The following MIB1 variants were observed in gnomAD, a reference collection of about 807,000 sequenced individuals.
MIB1 encodes the protein E3 ubiquitin-protein ligase MIB1.
MIB1 carries 278 observed loss-of-function variants against 124.5 expected under a neutral mutation model. The ratio of observed to expected loss-of-function variants is 2.23; its 90% confidence interval spans 2.02 to 2.47. The LOEUF (loss-of-function observed/expected upper bound fraction) is 2.47, where lower values mean the gene tolerates loss of function less well. MIB1 is among the 30% of genes most tolerant of loss of function. The pLI is 0.00. For missense variants in MIB1, 957 were observed against 1,254.4 expected (o/e 0.76, Z 3.58); for synonymous variants, 446 against 429.4 (o/e 1.04, Z -0.48).
intron 17 of MIB1, among the ~76,000 whole-genome samples, chr18:21,851,526 C>T (rs559972122): frequency 6.6e-6 from 1 of 152,050 alleles, no homozygotes; most frequent in East Asian, 1.9e-4. Context: ...AATAGTGACC[C>T]CAAGTGGTTA....
intron 13 of MIB1, among the ~76,000 whole-genome samples, chr18:21,839,145 T>C (rs2042060145): frequency 6.6e-6 from 1 of 152,202 alleles, no homozygotes; most frequent in Non-Finnish European, 1.5e-5. Flanking sequence ...GATTCCTGAC[T>C]TCAAGGAATT....
chr18:21,708,792 CT>C (rs1222449565), intron 1 of MIB1, among the ~76,000 whole-genome samples: 3 of 152,126 alleles, frequency 2.0e-5, no homozygotes, highest in African/African-American at 7.2e-5. Context: ...CATAATAATA[CT>C]TAGAGTCTAG....
intron 4 of MIB1, 89 bp from the exon 5 acceptor site, chr18:21,778,014 A>G (rs1598605786): frequency 2.3e-6 from 2 of 859,604 alleles, no homozygotes; most frequent in Middle Eastern, 2.2e-4. Context: ...TGTTTTGGGT[A>G]TGTTCTGAAT....
At chr18:21,768,205 A>C (rs967151331) in intron 2 of MIB1, among the ~76,000 whole-genome samples, 1 of 152,216 alleles carries the variant, frequency 6.6e-6, no homozygotes, top group African/African-American at 2.4e-5. Context: ...AGTGATACCC[A>C]GATACCCTGA....
At chr18:21,795,786 T>C (rs1448091032) in intron 7 of MIB1, among the ~76,000 whole-genome samples, 2 of 152,162 alleles carry the variant, frequency 1.3e-5, no homozygotes, top group African/African-American at 2.4e-5. Context: ...CCTAAAGAAC[T>C]GCATGGAAAT....
intron 1 of MIB1, among the ~76,000 whole-genome samples, chr18:21,725,929 A>T (rs531606052): frequency 5.9e-5 from 9 of 152,230 alleles, no homozygotes; most frequent in Non-Finnish European, 1.2e-4. Flanking sequence ...ATAAGTAGTT[A>T]AAAGAGAAAT....
chr18:21,870,571 C>T lies in MIB1; in HGVS notation c.*5905C>T, dbSNP rs2042347873. ...CTCTTCACAACTCAGATGTAGATTT[C>T]ATTTTCAAGAGGTAGATATTTTAAA... On this transcript the variant is annotated 3_prime_UTR_variant, in exon 21 of 21. Coordinates refer to ENST00000261537, the MANE Select transcript of MIB1 (RefSeq NM_020774.4). The T allele has an allele frequency of 6.6e-6, 1 of 152,146 alleles. No homozygotes were observed. The highest frequency in any genetic ancestry group is 1.5e-5 in the Non-Finnish European group (1 of 67,996). The allele number at this position is 152,146 out of a possible 1,614,324, so 9.4% of individuals were successfully genotyped here. A position where few individuals can be genotyped will look rare whatever the true frequency, so the allele number is the denominator to read the frequency against.
chr18:21,750,485 G>T (rs551084967), intron 1 of MIB1, among the ~76,000 whole-genome samples: 14 of 152,320 alleles, frequency 9.2e-5, no homozygotes, highest in Admixed American at 8.5e-4. Context: ...ATGCCACCAT[G>T]CCCCGCTAAC....
In MIB1 at chr18:21,865,872, C is replaced by A. The variant is rs2042317311; in HGVS notation, c.*1206C>A. The A allele has an allele frequency of 6.6e-6, 1 of 152,046 alleles. No homozygotes were observed. The allele number at this position is 152,046 out of a possible 1,614,324, so 9.4% of individuals were successfully genotyped here. A position where few individuals can be genotyped will look rare whatever the true frequency, so the allele number is the denominator to read the frequency against. On this transcript the variant is annotated 3_prime_UTR_variant, in exon 21 of 21. Coordinates refer to ENST00000261537, the MANE Select transcript of MIB1 (RefSeq NM_020774.4). ...AATACTTTAGAAAGAGTGACCAGGA[C>A]ATGTATAGAAATGTCTGCTTACCTG...
At chr18:21,834,066 T>G (rs1231352547) in intron 12 of MIB1, among the ~76,000 whole-genome samples, 1 of 152,216 alleles carries the variant, frequency 6.6e-6, no homozygotes, top group African/African-American at 2.4e-5. Flanking sequence ...TGCTTGCAGC[T>G]TAACAGTCTC....
chr18:21,736,585 T>G (rs1307872000), upstream of MIB1, among the ~76,000 whole-genome samples: 1 of 152,186 alleles, frequency 6.6e-6, no homozygotes, highest in East Asian at 1.9e-4. Flanking sequence ...AAGGAGCATG[T>G]TCTAACCCAA....
At chr18:21,788,936 A>C (rs1177438889) in intron 6 of MIB1, among the ~76,000 whole-genome samples, 3 of 152,252 alleles carry the variant, frequency 2.0e-5, no homozygotes, top group African/African-American at 7.2e-5. Context: ...AGTGAAAACT[A>C]CTGAACATTG....
intron 6 of MIB1, among the ~76,000 whole-genome samples, chr18:21,779,921 A>G: frequency 6.6e-6 from 1 of 151,348 alleles, no homozygotes. Flanking sequence ...TTATATGAGG[A>G]TGTTTATGAT....
At position 21,808,144 on chromosome 18, in the gene MIB1, C is replaced by G. The variant is rs534058981; in HGVS notation, c.1479+4130C>G. ...TGGTAATAATTGATTTTTTAAAAAT[C>G]TGATTTTATTAAAAGCTTTGGAGTT... On this transcript the variant is annotated intron_variant, in intron 10 of 20. Transcript: ENST00000261537. 6.9e-4 allele frequency among the ~76,000 whole-genome samples: 105 copies of G among 152,162 alleles called. 1 individual carries two copies. The South Asian group carries it at 0.021, about 31-fold the overall frequency.
Position 21,784,433 on chromosome 18 carries a change from G to A in MIB1, c.908+4748G>A, listed in dbSNP as rs2041410082. 2.6e-5 allele frequency among the ~76,000 whole-genome samples: 4 copies of A among 152,044 alleles called. No individual in the cohort carries two copies. In the South Asian group the frequency reaches 8.3e-4, roughly 31 times the overall value. On this transcript the variant is annotated intron_variant, in intron 6 of 20. Coordinates refer to ENST00000261537, the MANE Select transcript of MIB1 (RefSeq NM_020774.4). ...TACAAAAAACATCTTATATGTGGACGGCAAGCCACCTAGTTGCCAAGGCAA... is the reference window on the plus strand; with the variant it reads ...TACAAAAAACATCTTATATGTGGACAGCAAGCCACCTAGTTGCCAAGGCAA...
In MIB1 at chr18:21,741,541, G is replaced by C; in HGVS notation, c.-43G>C. 7.7e-7 allele frequency: 1 copy of C among 1,291,368 alleles called. No individual in the cohort carries two copies. The highest frequency in any genetic ancestry group is 9.9e-7 in the Non-Finnish European group (1 of 1,014,736). The allele number at this position is 1,291,368 out of a possible 1,614,324, so 80.0% of individuals were successfully genotyped here. A position where few individuals can be genotyped will look rare whatever the true frequency, so the allele number is the denominator to read the frequency against. Reference sequence around the variant, plus strand: ...TCACGGGCCCCCCGGCGGCAGCGGCGGCGGCGGCGGCGGCAGCGGCGGAGC... The same window carrying C: ...TCACGGGCCCCCCGGCGGCAGCGGCCGCGGCGGCGGCGGCAGCGGCGGAGC... On this transcript the variant is annotated 5_prime_UTR_variant, in exon 1 of 21. Transcript: ENST00000261537. This position sits in a 1 kb window ranked among gnomAD's most constrained non-coding sequence, Gnocchi z 5.4.
In MIB1 at chr18:21,819,519, C is replaced by T; in HGVS notation, c.1702C>T (p.His568Tyr). Residue 568 changes from histidine (H) to tyrosine (Y), a missense_variant, in exon 12 of 21, where the codon CAT (histidine) becomes TAT (tyrosine). Physicochemically the swap from His to Tyr is moderately conservative, Grantham distance 83. Transcript: ENST00000261537. ...GGATTCTGAAGGTGATACCCCTCTTCATGATGCAATAAGTAAGAAACGTGA... is the reference window on the plus strand; with the variant it reads ...GGATTCTGAAGGTGATACCCCTCTTTATGATGCAATAAGTAAGAAACGTGA... Reference protein sequence around the residue: ...LQDSEGDTPLHDAISKKRDDI... With the variant: ...LQDSEGDTPLYDAISKKRDDI... 1 of 1,607,074 alleles carries T rather than the reference C, an allele frequency of 6.2e-7. No individual in the cohort carries two copies. Among genetic ancestry groups the T allele is most frequent in the Non-Finnish European group, 8.5e-7 (1 of 1,176,072 alleles).
chr18:21,785,164 G>A (rs1043589699), intron 6 of MIB1, among the ~76,000 whole-genome samples: 2 of 152,080 alleles, frequency 1.3e-5, no homozygotes, highest in Admixed American at 1.3e-4. Context: ...TGACCCGGTG[G>A]ACATGTGACT....
intron 6 of MIB1, among the ~76,000 whole-genome samples, chr18:21,781,082 A>G (rs2041356153): frequency 2.0e-5 from 3 of 151,880 alleles, no homozygotes; most frequent in Admixed American, 2.0e-4. Context: ...AATTTAAATT[A>G]AAAACTTTTT....
Sources: gnomAD v4.1 joint callset for allele counts (sites outside exome capture counted in the v4.1 genomes callset) on GRCh38, gnomAD v4.1.1 for gene constraint, Gnocchi (gnomAD v3.1) non-coding constraint, MANE v1.5 for transcripts, NCBI Gene and HGNC (gene_info 2026-07-23, HGNC 2026-07-21) for gene names.